CSMD1: variants seen among roughly 807,000 people sequenced by gnomAD.
CSMD1 encodes CUB and Sushi multiple domains 1, also known as CUB and sushi domain-containing protein 1.
A neutral mutation model predicts 417.5 loss-of-function variants in CSMD1; 213 were observed. The ratio of observed to expected loss-of-function variants is 0.51; its 90% CI spans 0.46 to 0.57. The LOEUF (loss-of-function observed/expected upper bound fraction) is 0.57. CSMD1 is among the 20% of genes least tolerant of loss of function. The pLI is 0.00. For missense variants in CSMD1, 6,923 were observed against 4,529.7 expected (o/e 1.53, Z -15.17); for synonymous variants, 2,862 against 1,736.8 (o/e 1.65, Z -16.11).
chr8:4,019,700 A>G (rs1333783091), intron 4 of CSMD1, among the ~76,000 whole-genome samples: 2 of 152,144 alleles, frequency 1.3e-5, no homozygotes, highest in Non-Finnish European at 2.9e-5. Flanking sequence ...CTGCTTTGTC[A>G]GTTATTTACA....
chr8:4,565,964 C>T (rs147862024), intron 2 of CSMD1, among the ~76,000 whole-genome samples: 2 of 151,762 alleles, frequency 1.3e-5, no homozygotes, highest in Non-Finnish European at 2.9e-5. Flanking sequence ...CTATTATTCT[C>T]AGTATAATCT....
intron 1 of CSMD1, among the ~76,000 whole-genome samples, chr8:4,694,388 G>C (rs555685354): frequency 6.6e-6 from 1 of 151,966 alleles, no homozygotes; most frequent in East Asian, 1.9e-4. Flanking sequence ...GTCTCGCTCT[G>C]TCGCCCAGGC....
rs540352161 is a variant in CSMD1, at chr8:3,577,846, G to A, written c.1223-2780C>T. Reference sequence around the variant, plus strand: ...TTAGTTATTGCCTCCTTGCATCTAGGGTTTTCTACTAGTCAGAATCACCCT... The same window carrying A: ...TTAGTTATTGCCTCCTTGCATCTAGAGTTTTCTACTAGTCAGAATCACCCT... On this transcript the variant is annotated intron_variant, in intron 9 of 69. Coordinates refer to ENST00000635120, the MANE Select transcript of CSMD1 (RefSeq NM_033225.6). Among the ~76,000 whole-genome samples, 16 of 152,204 alleles carry A rather than the reference G, an allele frequency of 1.1e-4. No homozygotes were observed. The South Asian group carries it at 2.7e-3, about 26-fold the overall frequency.
chr8:3,206,238 A>ATATG (rs1797246583), intron 30 of CSMD1, among the ~76,000 whole-genome samples: 1 of 97,996 alleles, frequency 1.0e-5, no homozygotes. Context: ...GTGTGTGTGT[A>ATATG]TGTGTGTGGG....
At chr8:4,188,399 C>T (rs1447671463) in intron 3 of CSMD1, among the ~76,000 whole-genome samples, 5 of 152,130 alleles carry the variant, frequency 3.3e-5, no homozygotes, top group Admixed American at 3.3e-4. Context: ...AGGAAACATT[C>T]GTATATTGCC....
At chr8:4,288,229 C>T (rs1270431475) in intron 3 of CSMD1, among the ~76,000 whole-genome samples, 2 of 152,112 alleles carry the variant, frequency 1.3e-5, no homozygotes, top group Non-Finnish European at 2.9e-5. Context: ...CAGGGCCTGG[C>T]AGTGCTGGGT....
chr8:3,960,396 A>T (rs373167045), intron 5 of CSMD1, among the ~76,000 whole-genome samples: 4 of 152,176 alleles, frequency 2.6e-5, no homozygotes, highest in East Asian at 3.8e-4. Flanking sequence ...AATGTCTTCT[A>T]TGCACCAGAC....
At chr8:4,506,531 G>A (rs1437958996) in intron 2 of CSMD1, among the ~76,000 whole-genome samples, 8 of 152,146 alleles carry the variant, frequency 5.3e-5, no homozygotes, top group Non-Finnish European at 8.8e-5. Context: ...TTGGGGATGG[G>A]AGGACCCAGT....
chr8:3,901,417 G>C (rs565598202), intron 5 of CSMD1, among the ~76,000 whole-genome samples: 2 of 152,058 alleles, frequency 1.3e-5, no homozygotes, highest in African/African-American at 4.8e-5. Context: ...CCTGAAATCC[G>C]TGCTGATGCA....
chr8:3,755,161 A>G (rs2129054237), intron 5 of CSMD1, among the ~76,000 whole-genome samples: 1 of 152,308 alleles, frequency 6.6e-6, no homozygotes, highest in South Asian at 2.1e-4. Flanking sequence ...GGCGCAAGGG[A>G]CACATTTAGT....
intron 2 of CSMD1, among the ~76,000 whole-genome samples, chr8:4,465,568 G>A (rs1169112834): frequency 1.3e-5 from 2 of 152,122 alleles, no homozygotes; most frequent in Non-Finnish European, 2.9e-5. Context: ...GTAAAGCAAT[G>A]CCTGTTTTTC....
chr8:4,286,579 A>G (rs1293702376), intron 3 of CSMD1, among the ~76,000 whole-genome samples: 2 of 152,120 alleles, frequency 1.3e-5, no homozygotes, highest in Admixed American at 6.5e-5. Context: ...ACCCAAAACC[A>G]GCACCTGATA....
intron 54 of CSMD1, among the ~76,000 whole-genome samples, chr8:2,996,849 A>G (rs1806940905): frequency 6.6e-6 from 1 of 152,280 alleles, no homozygotes; most frequent in African/African-American, 2.4e-5. Flanking sequence ...ATGAAAGAAG[A>G]AGAAAAGTTG....
intron 2 of CSMD1, among the ~76,000 whole-genome samples, chr8:4,601,373 G>T (rs1200189516): frequency 6.6e-6 from 1 of 152,164 alleles, no homozygotes; most frequent in African/African-American, 2.4e-5. Flanking sequence ...TGAAGTGTCT[G>T]TTATCATGGC....
At chr8:3,900,446 G>A (rs1343622126) in intron 5 of CSMD1, among the ~76,000 whole-genome samples, 1 of 151,506 alleles carries the variant, frequency 6.6e-6, no homozygotes. Context: ...TGACAGCACA[G>A]CTGCATAACA....
chr8:4,014,684 G>C (rs898367583), intron 4 of CSMD1, among the ~76,000 whole-genome samples: 1 of 152,202 alleles, frequency 6.6e-6, no homozygotes, highest in Non-Finnish European at 1.5e-5. Context: ...GTGCCAACTT[G>C]TGATGAGGCT....
chr8:3,643,724 G>GAAAAAAAAAAAAAAAAAAAAAAA (rs1431798280), intron 7 of CSMD1, among the ~76,000 whole-genome samples: 5 of 120,822 alleles, frequency 4.1e-5, no homozygotes, highest in East Asian at 2.4e-4. Context: ...AAAAAAAAAG[G>GAAAAAAAAAAAAAAAAAAAAAAA]AAATGCCTCC....
At chr8:3,991,546 T>C (rs146086383) in intron 5 of CSMD1, among the ~76,000 whole-genome samples, 82 of 152,298 alleles carry the variant, frequency 5.4e-4, no homozygotes, top group Middle Eastern at 3.4e-3. Context: ...CATTACTGTC[T>C]AGTGAATAAT....
intron 5 of CSMD1, among the ~76,000 whole-genome samples, chr8:3,984,792 A>C (rs2130226360): frequency 7.4e-6 from 1 of 134,576 alleles, no homozygotes; most frequent in South Asian, 2.4e-4. Flanking sequence ...TGTGGGTGTA[A>C]AGGGAGATCA....
Sources: allele counts gnomAD v4.1 joint callset (sites outside exome capture counted in the v4.1 genomes callset), GRCh38; gene constraint gnomAD v4.1.1; transcripts MANE v1.5; gene names NCBI Gene and HGNC (gene_info 2026-07-23, HGNC 2026-07-21).